FRYL: variants seen among roughly 807,000 people sequenced by gnomAD.
The protein encoded by FRYL is protein furry homolog-like.
A neutral mutation model predicts 351.2 loss-of-function variants in FRYL; 150 were observed. The ratio of observed to expected loss-of-function variants is 0.43; its 90% confidence interval spans 0.37 to 0.49. The LOEUF is 0.49. FRYL is among the 20% of genes least tolerant of loss of function. The probability of loss-of-function intolerance (pLI) is 0.00; values close to 1 mark genes in which losing one functional copy is unlikely to be tolerated. For missense variants in FRYL, 3,036 were observed against 3,619.3 expected, an observed-to-expected ratio of 0.84 and a Z score of 4.13; for synonymous variants, 1,153 against 1,257.1, an observed-to-expected ratio of 0.92 and a Z score of 1.75.
chr4:48,695,683 A>T (rs930457570), intron 2 of FRYL, among the ~76,000 whole-genome samples: 2 of 152,192 alleles, frequency 1.3e-5, no homozygotes, highest in Non-Finnish European at 2.9e-5. Flanking sequence ...GACAAATGGG[A>T]TCTAATCAAA....
chr4:48,758,683 A>AG (rs1343292546), intron 1 of FRYL, among the ~76,000 whole-genome samples: 1 of 152,262 alleles, frequency 6.6e-6, no homozygotes, highest in Non-Finnish European at 1.5e-5. Flanking sequence ...CGATTCCTCA[A>AG]GGATCTAGAA....
intron 54 of FRYL, 95 bp downstream of exon 54, chr4:48,522,806 G>A (rs1249447761): frequency 2.8e-5 from 25 of 906,928 alleles, no homozygotes; most frequent in Non-Finnish European, 4.4e-5. Context: ...TTCAGTGTGT[G>A]CATTTCACCC....
In FRYL at chr4:48,652,854, ACCAGGTTCTATT is replaced by A. The variant is rs1170592237; in HGVS notation, c.-80-18376_-80-18365del. Among the ~76,000 whole-genome samples the A allele has an allele frequency of 2.0e-5, 3 of 152,214 alleles. No individual in the cohort carries two copies. The South Asian group carries it at 6.2e-4, about 31-fold the overall frequency. ...AGCAGCACAGTTGGGAGCAAAAACA[ACCAGGTTCTATT>A]CCAATTCTTTGCCACTGTATGACCT... On this transcript the variant is annotated intron_variant, in intron 3 of 63. Transcript: ENST00000358350.
chr4:48,728,430 A>G (rs1244742326), intron 1 of FRYL, among the ~76,000 whole-genome samples: 1 of 152,182 alleles, frequency 6.6e-6, no homozygotes, highest in Admixed American at 6.5e-5. Context: ...TGGGAGTACC[A>G]GAAGGAAAGG....
chr4:48,530,561 T>C (rs1328584240), intron 50 of FRYL, among the ~76,000 whole-genome samples: 1 of 152,080 alleles, frequency 6.6e-6, no homozygotes, highest in Non-Finnish European at 1.5e-5. Flanking sequence ...AAATGCAAGA[T>C]CCCCATGATC....
intron 1 of FRYL, among the ~76,000 whole-genome samples, chr4:48,727,772 T>C (rs956645625): frequency 2.6e-5 from 4 of 152,300 alleles, no homozygotes; most frequent in African/African-American, 9.6e-5. Flanking sequence ...CCTAACTAAC[T>C]TGGGGGTAGG....
Position 48,546,141 on chromosome 4 carries a change from A to G in FRYL, c.5205T>C (p.Thr1735=), listed in dbSNP as rs1173596007. ...NSAAISHLHT[T]ILNEVDISVE... ...CTGAGATGTCAACCTCATTGAGGAT[A>G]GTGGTGTGCAGATGTGAAATGGCAG... is the stretch of plus-strand genomic sequence containing the variant. The change falls in exon 42 of 64, where the codon ACT becomes ACC. Residue 1735 remains threonine (T), a synonymous_variant. Transcript: ENST00000358350. 2 of 1,613,580 alleles carry G rather than the reference A, an allele frequency of 1.2e-6. No individual in the cohort carries two copies. Among genetic ancestry groups the G allele is most frequent in the Admixed American group, 1.7e-5 (1 of 59,936 alleles).
chr4:48,510,231 T>C, intron 58 of FRYL, 74 bp from the exon 59 acceptor site: 4 of 1,103,020 alleles, frequency 3.6e-6, no homozygotes, highest in Non-Finnish European at 5.6e-6. Context: ...TCATGAGACT[T>C]TTCAGTCATG....
intron 63 of FRYL, 56 bp downstream of exon 63, chr4:48,499,974 T>C: frequency 8.3e-7 from 1 of 1,206,644 alleles, no homozygotes; most frequent in Non-Finnish European, 1.2e-6. Context: ...AACCTAGTAT[T>C]ACTAAACTTC....
In FRYL at chr4:48,632,922, A is replaced by G. The variant is rs113442533; in HGVS notation, c.120+1369T>C. On this transcript the variant is annotated intron_variant, in intron 4 of 63. Transcript: ENST00000358350. ...TCCTCTCTCATCCTTCTAAGGAACT[A>G]TAACAGGCTGAGTAAGCACACAGGT... 4.5e-3 allele frequency among the ~76,000 whole-genome samples: 679 copies of G among 152,264 alleles called. 4 individuals carry two copies. Among genetic ancestry groups the G allele is most frequent in the African/African-American group, 0.015 (629 of 41,544 alleles).
Position 48,504,536 on chromosome 4 carries a change from G to C in FRYL, c.8463+1011C>G, listed in dbSNP as rs147183121. Among the ~76,000 whole-genome samples, 135 of 152,256 alleles carry C rather than the reference G, an allele frequency of 8.9e-4. 3 individuals are homozygous for C. The East Asian group carries it at 0.019, about 21-fold the overall frequency. On this transcript the variant is annotated intron_variant, in intron 60 of 63. Transcript: ENST00000358350. ...ATTAGAACCAAAGGATTCTGGTCTA[G>C]GGTTAATTCCTTATCTTCATTTCTT...
chr4:48,649,174 G>T (rs1243754381), intron 3 of FRYL, among the ~76,000 whole-genome samples: 2 of 152,044 alleles, frequency 1.3e-5, no homozygotes, highest in African/African-American at 2.4e-5. Flanking sequence ...AAATAACACA[G>T]ATTTTAACTG....
At chr4:48,651,774 C>T (rs1192972096) in intron 3 of FRYL, among the ~76,000 whole-genome samples, 1 of 152,132 alleles carries the variant, frequency 6.6e-6, no homozygotes, top group Admixed American at 6.5e-5. Flanking sequence ...AACCCCTCCC[C>T]CTATGAGTTG....
At chr4:48,614,815 CTTTTTTTTTTTTT>C (rs369399363) in intron 7 of FRYL, among the ~76,000 whole-genome samples, 9 of 67,918 alleles carry the variant, frequency 1.3e-4, no homozygotes, top group Admixed American at 2.5e-4. Flanking sequence ...AAGTTTAATG[CTTTTTTTTTTTTT>C]TTTTTTTTTT....
At chr4:48,580,731 A>G (rs1190204785) in intron 22 of FRYL, 134 bp downstream of exon 22, 2 of 544,890 alleles carry the variant, frequency 3.7e-6, no homozygotes, top group Non-Finnish European at 6.4e-6. Context: ...AGCATTTTCT[A>G]CTTTTCAAAA....
intron 55 of FRYL, among the ~76,000 whole-genome samples, chr4:48,516,317 GT>G (rs1436219511): frequency 2.0e-5 from 3 of 152,190 alleles, no homozygotes; most frequent in Non-Finnish European, 2.9e-5. Context: ...ATGTTGCTAT[GT>G]GATAGACAAG....
Position 48,635,705 on chromosome 4 carries a change from C to T in FRYL, c.-80-1215G>A, listed in dbSNP as rs1373139212. Among the ~76,000 whole-genome samples the T allele has an allele frequency of 4.6e-5, 7 of 152,164 alleles. No individual in the cohort carries two copies. The East Asian group carries it at 1.2e-3, about 25-fold the overall frequency. The stretch of plus-strand genomic sequence containing the variant: ...ATATCGATCCCATATGTTGCTATGT[C>T]GATCCCATATCCTCTAACTTAGCTT... On this transcript the variant is annotated intron_variant, in intron 3 of 63. Transcript: ENST00000358350.
chr4:48,523,174 AGAAAAACATATACCAAGAT>A, intron 53 of FRYL, 70 bp from the exon 54 acceptor site: 1 of 1,009,394 alleles, frequency 9.9e-7, no homozygotes. Context: ...GTAATATACC[AGAAAAACATATACCAAGAT>A]GAAAAATACT....
chr4:48,568,122 G>A (rs1482413064), intron 27 of FRYL, among the ~76,000 whole-genome samples: 1 of 152,146 alleles, frequency 6.6e-6, no homozygotes, highest in Admixed American at 6.5e-5. Context: ...AAAATTTGCC[G>A]GGCATGGTGG....
Sources: gnomAD v4.1 joint callset for allele counts (sites outside exome capture counted in the v4.1 genomes callset) on GRCh38, gnomAD v4.1.1 for gene constraint, MANE v1.5 for transcripts, NCBI Gene and HGNC (gene_info 2026-07-23, HGNC 2026-07-21) for gene names.